Variants in SPDYC observed in about 807,000 individuals in gnomAD.
SPDYC encodes the protein speedy protein C.
In SPDYC, 25 loss-of-function variants were observed where a neutral mutation model predicts 33.9. The ratio of observed to expected loss-of-function variants is 0.74; its 90% CI spans 0.54 to 1.03. The LOEUF (loss-of-function observed/expected upper bound fraction) is 1.03, where lower values mean the gene tolerates loss of function less well. Among genes scored for constraint, SPDYC ranks in the 50% least tolerant of loss-of-function variants. The pLI, the probability that SPDYC is intolerant of heterozygous loss-of-function variation, is 0.00. For synonymous variants in SPDYC, 133 were observed against 140.2 expected (o/e 0.95, Z 0.36); for missense variants, 349 against 382.9 (o/e 0.91, Z 0.74).
intron 2 of SPDYC, 128 bp downstream of exon 2, chr11:65,171,627 CT>C: frequency 8.5e-7 from 1 of 1,172,410 alleles, no homozygotes; most frequent in Non-Finnish European, 1.2e-6. Context: ...GGTATCCCAG[CT>C]TAGGCAGGTG....
chr11:65,171,216 C>G (rs912638577), intron 1 of SPDYC, 111 bp from the exon 2 acceptor site: 23 of 1,203,600 alleles, frequency 1.9e-5, no homozygotes, highest in Admixed American at 1.1e-4. Context: ...CTGTTCTGAG[C>G]CCCCAAGTCT....
chr11:65,170,296 G>A (rs1400572814), intron 1 of SPDYC, 35 bp downstream of exon 1: 2 of 1,561,972 alleles, frequency 1.3e-6, no homozygotes, highest in African/African-American at 1.4e-5. Flanking sequence ...TGGGTTGCTT[G>A]CGGGCGCCTA....
At chr11:65,171,881 T>TACC in intron 2 of SPDYC, 62 bp from the exon 3 acceptor site, 1 of 1,487,894 alleles carries the variant, frequency 6.7e-7, no homozygotes, top group Non-Finnish European at 9.4e-7. Context: ...GAGCTTCTGA[T>TACC]GCCACTCTTC....
At chr11:65,173,118 G>A (rs550679096) in intron 6 of SPDYC, 65 bp from the exon 7 acceptor site, 29 of 1,605,260 alleles carry the variant, frequency 1.8e-5, no homozygotes, top group Middle Eastern at 1.7e-4. Flanking sequence ...TGGGGTCGAC[G>A]TGCTGCCCCT....
intron 2 of SPDYC, 135 bp from the exon 3 acceptor site, chr11:65,171,808 G>C: frequency 1.3e-6 from 1 of 792,910 alleles, no homozygotes; most frequent in Non-Finnish European, 2.1e-6. Flanking sequence ...GAAAGAGAGA[G>C]AGAAAGAGAA....
chr11:65,171,179 C>G, intron 1 of SPDYC, 148 bp from the exon 2 acceptor site: 2 of 822,266 alleles, frequency 2.4e-6, no homozygotes, highest in South Asian at 4.0e-5. Flanking sequence ...TCTGGCCTCC[C>G]CACTCTTGTT....
At chr11:65,172,937 A>C (rs778077871) in exon 6 of SPDYC, 1 of 1,614,038 alleles carries the variant, frequency 6.2e-7, no homozygotes. Flanking sequence ...TCAAGGGTCA[A>C]AAACGCCTGG....
exon 6 of SPDYC, chr11:65,172,843 A>G (rs1374767809): frequency 1.2e-6 from 2 of 1,614,156 alleles, no homozygotes; most frequent in South Asian, 2.2e-5. Context: ...CCAGCACTGC[A>G]GCAGCCACTT....
At position 65,172,513 on chromosome 11, in the gene SPDYC, T is replaced by A. The variant is rs772552933; in HGVS notation, c.424T>A (p.Cys142Ser). ...TCCATGGGCCCTGGGAAAAGATTGG[T>A]GTTTACGAGTGGGGAAATTCCTGCA... Residue 142 changes from cysteine to serine, a missense_variant, in exon 5 of 7, where the codon TGT becomes AGT. Cys to Ser is a moderately radical substitution (Grantham distance 112). Coordinates refer to ENST00000377185, the Ensembl canonical transcript of SPDYC. The A allele has an allele frequency of 3.2e-6, 5 of 1,578,876 alleles. No homozygotes were observed. In the Admixed American group the frequency reaches 7.2e-5, roughly 23 times the overall value.
chr11:65,172,638 A>C (rs1300108023), intron 5 of SPDYC, 33 bp downstream of exon 5: 14 of 1,557,794 alleles, frequency 9.0e-6, no homozygotes, highest in Admixed American at 1.9e-5. Flanking sequence ...GGTGTGGGGA[A>C]GGCTGGGGTT....
At chr11:65,172,787 G>A (rs754870168) in exon 6 of SPDYC, 85 of 1,613,796 alleles carry the variant, frequency 5.3e-5, no homozygotes, top group Middle Eastern at 1.6e-4. Flanking sequence ...CGCCTTCCCC[G>A]GGGCCCTGGC....
chr11:65,172,891 T>C (rs1231492545), exon 6 of SPDYC: 14 of 1,614,140 alleles, frequency 8.7e-6, no homozygotes, highest in Non-Finnish European at 1.2e-5. Flanking sequence ...TTCTCTGACC[T>C]CTGAATGTCA....
chr11:65,172,696 G>A, exon 6 of SPDYC: 2 of 1,605,850 alleles, frequency 1.2e-6, no homozygotes, highest in Non-Finnish European at 1.7e-6. Context: ...CATGGCAAAG[G>A]AGCCATTCCA....
chr11:65,172,726 C>T lies in SPDYC; in HGVS notation c.559C>T (p.Arg187Trp), dbSNP rs771191872. 1.4e-5 allele frequency: 22 copies of T among 1,610,586 alleles called. No individual in the cohort carries two copies. The highest frequency in any genetic ancestry group is 1.6e-4 in the Middle Eastern group (1 of 6,070). ...ATTCCACTGGGCTTGGACTCGGGAC[C>T]GGCGCCCCCACCATGGTGGGGTTCA... Residue 187 changes from arginine (R) to tryptophan (W), a missense_variant, in exon 6 of 7, where the codon CGG becomes TGG. Physicochemically the swap from Arg to Trp is moderately radical, Grantham distance 101. Coordinates refer to ENST00000377185, the Ensembl canonical transcript of SPDYC.
chr11:65,171,566 G>C, intron 2 of SPDYC, 67 bp downstream of exon 2: 2 of 1,423,070 alleles, frequency 1.4e-6, no homozygotes, highest in South Asian at 2.9e-5. Context: ...TGAAGTGTGG[G>C]GTCTCACCTG....
exon 2 of SPDYC, chr11:65,171,429 G>A: frequency 6.2e-7 from 1 of 1,604,734 alleles, no homozygotes; most frequent in East Asian, 2.3e-5. Context: ...GCTGCAGCCG[G>A]CAAGGTGGGG....
chr11:65,172,064 C>T (rs1296340490), intron 3 of SPDYC, 63 bp downstream of exon 3: 1 of 1,575,454 alleles, frequency 6.3e-7, no homozygotes, highest in Non-Finnish European at 8.7e-7. Flanking sequence ...ATTGAGTGCC[C>T]TGGTCTGGTA....
At chr11:65,171,387 C>T in exon 2 of SPDYC, 1 of 1,611,386 alleles carries the variant, frequency 6.2e-7, no homozygotes, top group Non-Finnish European at 8.5e-7. Context: ...CCACCACTTC[C>T]CCTGTAGTTA....
At chr11:65,170,406 G>A (rs930073471) in intron 1 of SPDYC, 145 bp downstream of exon 1, 55 of 729,238 alleles carry the variant, frequency 7.5e-5, no homozygotes, top group Non-Finnish European at 1.1e-4. Context: ...GGTTTAGGAC[G>A]GGAGCTTGAA....
Sources: gnomAD v4.1 joint callset for allele counts on GRCh38, gnomAD v4.1.1 for gene constraint, MANE v1.5 for transcripts, NCBI Gene and HGNC (gene_info 2026-07-23, HGNC 2026-07-21) for gene names.